SNX25: variants seen among roughly 807,000 people sequenced by gnomAD.
SNX25 encodes sorting nexin 25.
SNX25 carries 62 observed loss-of-function variants against 113.7 expected under a neutral mutation model. The ratio of observed to expected loss-of-function variants is 0.55; its 90% CI spans 0.44 to 0.67. SNX25 has a LOEUF of 0.67. Ranked by LOEUF, SNX25 falls within the 30% of genes least tolerant of loss-of-function variation. The pLI is 0.00. For missense variants in SNX25, 1,014 were observed against 1,161.0 expected (o/e 0.87, Z 1.84); for synonymous variants, 421 against 436.2 (o/e 0.97, Z 0.43).
intron 1 of SNX25, among the ~76,000 whole-genome samples, chr4:185,245,444 T>C (rs1744727742): frequency 6.6e-6 from 1 of 152,028 alleles, no homozygotes; most frequent in East Asian, 1.9e-4. Context: ...TTCAAGCTAT[T>C]CTCATGCCTC....
intron 1 of SNX25, among the ~76,000 whole-genome samples, chr4:185,239,568 A>G (rs1023066504): frequency 6.6e-6 from 1 of 152,230 alleles, no homozygotes; most frequent in Non-Finnish European, 1.5e-5. Context: ...CTCTCTCTGC[A>G]GAAAAACTCA....
chr4:185,270,217 A>C (rs868552542), intron 5 of SNX25, among the ~76,000 whole-genome samples: 1 of 152,162 alleles, frequency 6.6e-6, no homozygotes, highest in African/African-American at 2.4e-5. Context: ...TATGGTGTAC[A>C]CTGCCCCAGG....
At chr4:185,208,538 G>A (rs937918624), upstream of SNX25, among the ~76,000 whole-genome samples, 1 of 151,702 alleles carries the variant, frequency 6.6e-6, no homozygotes, top group Non-Finnish European at 1.5e-5. Flanking sequence ...GACCATCCTG[G>A]CTAATATGGT....
intron 6 of SNX25, among the ~76,000 whole-genome samples, chr4:185,293,924 T>C (rs1386668543): frequency 6.6e-6 from 1 of 152,078 alleles, no homozygotes. Context: ...TTAAAAAATA[T>C]CTTTGGAGTA....
At chr4:185,223,823 CATTA>C (rs1307615165) in intron 1 of SNX25, among the ~76,000 whole-genome samples, 1 of 151,838 alleles carries the variant, frequency 6.6e-6, no homozygotes, top group Non-Finnish European at 1.5e-5. Flanking sequence ...TACCTAGATC[CATTA>C]ATTTATTAGG....
chr4:185,268,469 T>G (rs1298617695), intron 5 of SNX25, among the ~76,000 whole-genome samples: 1 of 152,162 alleles, frequency 6.6e-6, no homozygotes, highest in African/African-American at 2.4e-5. Flanking sequence ...TTATCTAGTT[T>G]GTAAATTTTC....
Position 185,210,395 on chromosome 4 carries a change from C to T in SNX25, c.429+140C>T. 1.2e-6 allele frequency: 1 copy of T among 850,600 alleles called. No individual in the cohort carries two copies. Among genetic ancestry groups the T allele is most frequent in the Non-Finnish European group, 1.4e-6 (1 of 707,522 alleles). 52.7% of individuals were successfully genotyped at this position (850,600 alleles called of 1,614,324 possible). A position where few individuals can be genotyped will look rare whatever the true frequency, so the allele number is the denominator to read the frequency against. The stretch of plus-strand genomic sequence containing the variant: ...GGGAGCCAGGGGGCTGGGCTGCGGG[C>T]CCGGCCGTGGACGCGAGCGTTCCCC... On this transcript the variant is annotated intron_variant, in intron 1 of 18. Coordinates refer to ENST00000652585, the MANE Select transcript of SNX25 (RefSeq NM_001378034.2). This position sits in a 1 kb window ranked among gnomAD's most constrained non-coding sequence, Gnocchi z 4.4.
intron 6 of SNX25, among the ~76,000 whole-genome samples, chr4:185,302,852 A>G (rs999745566): frequency 7.2e-5 from 11 of 151,822 alleles, no homozygotes; most frequent in African/African-American, 2.7e-4. Flanking sequence ...CTCCAGCACT[A>G]CCTCCAGTGC....
chr4:185,206,660 CAAAAAAAAAAAAAA>C (rs375061067), upstream of SNX25, among the ~76,000 whole-genome samples: 1 of 77,438 alleles, frequency 1.3e-5, no homozygotes, highest in African/African-American at 5.1e-5. Context: ...ACTCTTGTCT[CAAAAAAAAAAAAAA>C]AAAAAAAAGA....
At chr4:185,226,843 A>C (rs1169468350) in intron 1 of SNX25, among the ~76,000 whole-genome samples, 1 of 152,154 alleles carries the variant, frequency 6.6e-6, no homozygotes, top group Non-Finnish European at 1.5e-5. Context: ...TAGCTTTTTA[A>C]TCCAATGTTT....
intron 16 of SNX25, among the ~76,000 whole-genome samples, chr4:185,360,687 G>A (rs2095357213): frequency 6.6e-6 from 1 of 151,990 alleles, no homozygotes; most frequent in African/African-American, 2.4e-5. Flanking sequence ...GGTGGCTCAC[G>A]CCTGTAATCC....
upstream of SNX25, among the ~76,000 whole-genome samples, chr4:185,205,798 C>T (rs111416732): frequency 0.029 from 4,392 of 152,288 alleles, 95 homozygotes; most frequent in Middle Eastern, 0.1. Context: ...CATTGTACTC[C>T]AGCCTGGGCG....
intron 4 of SNX25, among the ~76,000 whole-genome samples, chr4:185,265,690 A>G (rs560174786): frequency 6.6e-6 from 1 of 152,252 alleles, no homozygotes; most frequent in African/African-American, 2.4e-5. Flanking sequence ...ATGAACTTTT[A>G]ATTTTTTTAA....
intron 6 of SNX25, among the ~76,000 whole-genome samples, chr4:185,298,559 C>T (rs1753181715): frequency 6.6e-6 from 1 of 152,048 alleles, no homozygotes; most frequent in Non-Finnish European, 1.5e-5. Context: ...AATGAAGACG[C>T]TTGACATGAT....
intron 2 of SNX25, among the ~76,000 whole-genome samples, chr4:185,250,245 A>G (rs1176524255): frequency 6.6e-6 from 1 of 152,178 alleles, no homozygotes; most frequent in African/African-American, 2.4e-5. Context: ...CCTTTCCACA[A>G]TTGCAATGGA....
At chr4:185,371,987 C>T (rs1199968114), downstream of SNX25, among the ~76,000 whole-genome samples, 1 of 152,192 alleles carries the variant, frequency 6.6e-6, no homozygotes, top group African/African-American at 2.4e-5. Context: ...CTCCCCGACC[C>T]ACTGCTTTTA....
chr4:185,297,579 CA>C (rs1753004692), intron 6 of SNX25, among the ~76,000 whole-genome samples: 1 of 152,222 alleles, frequency 6.6e-6, no homozygotes, highest in South Asian at 2.1e-4. Context: ...GCTGCTGTCA[CA>C]AAATGCCACA....
intron 3 of SNX25, among the ~76,000 whole-genome samples, chr4:185,259,499 G>A (rs1746931308): frequency 1.3e-5 from 2 of 152,076 alleles, no homozygotes; most frequent in South Asian, 4.2e-4. Context: ...ATTTTCAAAG[G>A]TACTCAATAT....
At chr4:185,309,178 G>T (rs2126660927) in intron 6 of SNX25, among the ~76,000 whole-genome samples, 1 of 152,236 alleles carries the variant, frequency 6.6e-6, no homozygotes, top group East Asian at 1.9e-4. Context: ...GGGAGCCTCG[G>T]TTCCTCTCCA....
Sources: allele counts gnomAD v4.1 joint callset (sites outside exome capture counted in the v4.1 genomes callset), GRCh38; gene constraint gnomAD v4.1.1; non-coding constraint Gnocchi (gnomAD v3.1); transcripts MANE v1.5; gene names NCBI Gene and HGNC (gene_info 2026-07-23, HGNC 2026-07-21).